The following NCOA1 variants were observed in gnomAD, a reference collection of about 807,000 sequenced individuals.
The protein encoded by NCOA1 is Hin-2 protein.
A neutral mutation model predicts 150.9 loss-of-function variants in NCOA1; 35 were observed. That is an observed-to-expected ratio of 0.23 (90% confidence interval 0.18 to 0.31). The LOEUF (loss-of-function observed/expected upper bound fraction) is 0.31. Among genes scored for constraint, NCOA1 ranks in the 10% least tolerant of loss-of-function variants. The pLI is 1.00. For synonymous variants in NCOA1, 590 were observed against 630.0 expected (o/e 0.94, Z 0.95); for missense variants, 1,491 against 1,749.3 (o/e 0.85, Z 2.63).
At chr2:24,645,510 GAAAA>G (rs397873594) in intron 4 of NCOA1, among the ~76,000 whole-genome samples, 2 of 73,336 alleles carry the variant, frequency 2.7e-5, no homozygotes, top group Admixed American at 1.7e-4. Flanking sequence ...ACTCCTCTCA[GAAAA>G]AAAAAAAAAA....
chr2:24,511,280 T>C (rs1257358800), intron 1 of NCOA1, among the ~76,000 whole-genome samples: 1 of 152,250 alleles, frequency 6.6e-6, no homozygotes. Context: ...CATGGACATA[T>C]GTTTTCATTT....
intron 3 of NCOA1, among the ~76,000 whole-genome samples, chr2:24,612,264 G>A (rs958065215): frequency 6.6e-6 from 1 of 152,178 alleles, no homozygotes; most frequent in African/African-American, 2.4e-5. Context: ...CTGCTGAGAA[G>A]TCCACTGCTA....
chr2:24,586,381 T>G (rs1667411265), intron 3 of NCOA1, among the ~76,000 whole-genome samples: 1 of 135,646 alleles, frequency 7.4e-6, no homozygotes, highest in Admixed American at 7.2e-5. Context: ...AGGCTTTTTG[T>G]TTGTTTGTTT....
intron 3 of NCOA1, among the ~76,000 whole-genome samples, chr2:24,631,566 A>G (rs1293256376): frequency 1.3e-5 from 2 of 152,170 alleles, no homozygotes; most frequent in Non-Finnish European, 2.9e-5. Flanking sequence ...CTTCCTTACA[A>G]GAGAGAACAT....
At chr2:24,535,122 T>C (rs1665070850) in intron 1 of NCOA1, among the ~76,000 whole-genome samples, 1 of 152,208 alleles carries the variant, frequency 6.6e-6, no homozygotes. Flanking sequence ...GCTTTATGTA[T>C]CTGGGTGCTC....
intron 2 of NCOA1, among the ~76,000 whole-genome samples, chr2:24,573,311 A>G (rs1666816697): frequency 6.6e-6 from 1 of 152,150 alleles, no homozygotes; most frequent in Admixed American, 6.5e-5. Context: ...CCCAATAACC[A>G]TTTAGGTGTA....
In NCOA1 at chr2:24,706,885, A is replaced by G. The variant is rs553751395; in HGVS notation, c.1415A>G (p.Asn472Ser). Residue 472 changes from asparagine to serine, a missense_variant, in exon 13 of 23, where the codon AAT becomes AGT. Transcript: ENST00000348332. The part of the protein sequence containing the change: ...SQSSNPSLNL[N>S]NSPMEGTGIS... ...AGCAGTAATCCCTCTTTAAACCTCA[A>G]TAATTCTCCTATGGAAGGTACAGGA... is the stretch of plus-strand genomic sequence containing the variant. 5.3e-5 allele frequency: 85 copies of G among 1,614,186 alleles called. No homozygotes were observed. Among genetic ancestry groups the G allele is most frequent in the Admixed American group, 8.3e-5 (5 of 60,018 alleles).
At chr2:24,569,946 G>A (rs1308446976) in intron 2 of NCOA1, among the ~76,000 whole-genome samples, 1 of 150,740 alleles carries the variant, frequency 6.6e-6, no homozygotes, top group African/African-American at 2.4e-5. Context: ...ATAGAACATG[G>A]AAAAATACTT....
At chr2:24,739,283 G>A (rs1663484726) in intron 17 of NCOA1, 149 bp from the exon 18 acceptor site, 2 of 606,898 alleles carry the variant, frequency 3.3e-6, no homozygotes, top group Non-Finnish European at 5.8e-6. Context: ...GGAACTACTA[G>A]CCTTTTGGAA....
At position 24,534,136 on chromosome 2, in the gene NCOA1, A is replaced by G. The variant is rs548033001; in HGVS notation, c.-395-30159A>G. ...CAATTTCAGAGCCTGTTATTGGTCT[A>G]TTCAGAGATTCAACTTCTTCCTGGT... On this transcript the variant is annotated intron_variant, in intron 1 of 22. Coordinates refer to ENST00000348332, the MANE Select transcript of NCOA1 (RefSeq NM_003743.5). 2.3e-3 allele frequency among the ~76,000 whole-genome samples: 343 copies of G among 152,294 alleles called. 2 individuals carry two copies. Among genetic ancestry groups the G allele is most frequent in the African/African-American group, 7.7e-3 (319 of 41,562 alleles).
At chr2:24,747,167 T>A (rs1663968941) in intron 19 of NCOA1, among the ~76,000 whole-genome samples, 1 of 152,006 alleles carries the variant, frequency 6.6e-6, no homozygotes, top group South Asian at 2.1e-4. Context: ...CATTCCAATA[T>A]GAACAGTTAG....
chr2:24,682,910 T>C, intron 7 of NCOA1, 41 bp from the exon 8 acceptor site: 1 of 1,517,104 alleles, frequency 6.6e-7, no homozygotes, highest in Non-Finnish European at 8.8e-7. Flanking sequence ...TTTTCTTTTA[T>C]CTTTCAACCT....
At chr2:24,675,721 C>G (rs1671874301) in intron 7 of NCOA1, among the ~76,000 whole-genome samples, 1 of 152,116 alleles carries the variant, frequency 6.6e-6, no homozygotes, top group South Asian at 2.1e-4. Flanking sequence ...CCCATCTCTA[C>G]TAAAAATATA....
chr2:24,657,999 A>G (rs556063783), intron 4 of NCOA1, among the ~76,000 whole-genome samples: 1 of 152,348 alleles, frequency 6.6e-6, no homozygotes, highest in African/African-American at 2.4e-5. Context: ...CTGGTGCAAC[A>G]TGTGAGAGAC....
chr2:24,710,975 G>T lies in NCOA1; in HGVS notation c.2463G>T (p.Leu821=). 6.2e-7 allele frequency: 1 copy of T among 1,614,134 alleles called. No individual in the cohort carries two copies. The highest frequency in any genetic ancestry group is 2.2e-5 in the East Asian group (1 of 44,884). ...LDQFDQLLPT[L]EKAAQLPGLC... ...AGTTTGATCAGTTACTGCCCACGCT[G>T]GAGAAGGCAGCACAGTTGCCAGGCT... The change falls in exon 14 of 23, where the codon CTG becomes CTT. Residue 821 remains leucine, a synonymous_variant. Coordinates refer to ENST00000348332, the MANE Select transcript of NCOA1 (RefSeq NM_003743.5).
At chr2:24,709,445 T>C (rs1234541233) in intron 13 of NCOA1, among the ~76,000 whole-genome samples, 1 of 152,244 alleles carries the variant, frequency 6.6e-6, no homozygotes, top group East Asian at 1.9e-4. Context: ...AAATATTCAT[T>C]GGTCATTTGG....
At chr2:24,755,328 T>C (rs1289808176) in intron 20 of NCOA1, among the ~76,000 whole-genome samples, 3 of 152,256 alleles carry the variant, frequency 2.0e-5, no homozygotes, top group Non-Finnish European at 4.4e-5. Context: ...AGTGCTTCTG[T>C]GTAAGGCTGG....
chr2:24,553,425 G>T (rs1410849058), intron 1 of NCOA1, among the ~76,000 whole-genome samples: 1 of 151,998 alleles, frequency 6.6e-6, no homozygotes, highest in Admixed American at 6.6e-5. Flanking sequence ...CACCTTGTTG[G>T]CCAGGCTGGT....
chr2:24,715,864 C>T (rs180836179), intron 14 of NCOA1, among the ~76,000 whole-genome samples: 11 of 152,198 alleles, frequency 7.2e-5, no homozygotes, highest in East Asian at 1.9e-4. Context: ...AGCAGGCGGC[C>T]GGGCGCAGTG....
Sources: gnomAD v4.1 joint callset for allele counts (sites outside exome capture counted in the v4.1 genomes callset) on GRCh38, gnomAD v4.1.1 for gene constraint, MANE v1.5 for transcripts, NCBI Gene and HGNC (gene_info 2026-07-23, HGNC 2026-07-21) for gene names.